Variants in MPZL1 observed in about 807,000 individuals in gnomAD.
MPZL1 encodes the protein myelin protein zero-like protein 1.
MPZL1 carries 16 observed loss-of-function variants against 29.3 expected under a neutral mutation model. That is an observed-to-expected ratio of 0.55 (90% CI 0.37 to 0.83). The LOEUF (loss-of-function observed/expected upper bound fraction) is 0.83, where lower values mean the gene tolerates loss of function less well. Ranked by LOEUF, MPZL1 falls within the 40% of genes least tolerant of loss-of-function variation. The pLI is 0.00. For synonymous variants in MPZL1, 143 were observed against 132.0 expected (o/e 1.08, Z -0.57); for missense variants, 279 against 332.9 (o/e 0.84, Z 1.26).
Position 167,786,659 on chromosome 1 carries a change from G to A in MPZL1, c.709-1161G>A, listed in dbSNP as rs115651901. Among the ~76,000 whole-genome samples, 353 of 152,306 alleles carry A rather than the reference G, an allele frequency of 2.3e-3. 4 individuals carry two copies. The highest frequency in any genetic ancestry group is 7.8e-3 in the African/African-American group (326 of 41,566). ...AACTGGGCCTGTCCCTTCTGTAGAT[G>A]TGGGAGTAGCTGAACTCCACAGAAC... On this transcript the variant is annotated intron_variant, in intron 5 of 5. Coordinates refer to ENST00000359523, the MANE Select transcript of MPZL1 (RefSeq NM_003953.6).
At chr1:167,725,611 G>A (rs1364461046) in intron 1 of MPZL1, among the ~76,000 whole-genome samples, 7 of 151,854 alleles carry the variant, frequency 4.6e-5, no homozygotes, top group African/African-American at 1.7e-4. Context: ...TTAGCCTCCC[G>A]AGTAGCTGGG....
At chr1:167,731,881 G>C (rs985213379) in intron 1 of MPZL1, among the ~76,000 whole-genome samples, 2 of 152,078 alleles carry the variant, frequency 1.3e-5, no homozygotes, top group African/African-American at 4.8e-5. Flanking sequence ...CAAAAAACAA[G>C]TTATAGGTCC....
chr1:167,742,863 T>A (rs912448330), intron 1 of MPZL1, among the ~76,000 whole-genome samples: 1 of 152,142 alleles, frequency 6.6e-6, no homozygotes, highest in African/African-American at 2.4e-5. Context: ...GCTAGCCAAT[T>A]ATCCCAGCAC....
intron 1 of MPZL1, among the ~76,000 whole-genome samples, chr1:167,756,429 A>ATTTTTTTTTTTT (rs11455159): frequency 2.1e-5 from 2 of 94,632 alleles, no homozygotes; most frequent in Admixed American, 1.2e-4. Flanking sequence ...GTCTGGCCAG[A>ATTTTTTTTTTTT]TTTTTTTTTT....
chr1:167,761,580 G>A (rs1439149516), intron 1 of MPZL1, among the ~76,000 whole-genome samples: 1 of 152,206 alleles, frequency 6.6e-6, no homozygotes, highest in Non-Finnish European at 1.5e-5. Context: ...AGCTGGGAGT[G>A]AGAAACCAGA....
intron 5 of MPZL1, among the ~76,000 whole-genome samples, chr1:167,776,417 C>T (rs1216048569): frequency 6.6e-6 from 1 of 152,096 alleles, no homozygotes; most frequent in Admixed American, 6.6e-5. Flanking sequence ...GTTTACTAAC[C>T]ATGTAGCTTC....
Position 167,732,678 on chromosome 1 carries a change from G to A in MPZL1, c.91+10436G>A, listed in dbSNP as rs1382236618. Among the ~76,000 whole-genome samples the A allele has an allele frequency of 1.3e-5, 2 of 152,106 alleles. 1 individual carries two copies. The highest frequency in any genetic ancestry group is 4.8e-5 in the African/African-American group (2 of 41,414). On this transcript the variant is annotated intron_variant, in intron 1 of 5. Transcript: ENST00000359523. ...GTTGCCCAGGTTAGAGTGCAATGGT[G>A]CGACCTCAGCTCATCACAACCTCTG... is the stretch of plus-strand genomic sequence containing the variant.
chr1:167,739,282 CAT>C (rs71959233), intron 1 of MPZL1, among the ~76,000 whole-genome samples: 20,515 of 90,390 alleles, frequency 0.23, 2,312 homozygotes, highest in Admixed American at 0.26. Context: ...TACATATATA[CAT>C]ATATATATAT....
At chr1:167,746,711 G>A (rs1432232314) in intron 1 of MPZL1, among the ~76,000 whole-genome samples, 1 of 152,174 alleles carries the variant, frequency 6.6e-6, no homozygotes, top group Non-Finnish European at 1.5e-5. Flanking sequence ...TCAGAGGGCA[G>A]TATTAATCCA....
chr1:167,765,373 C>T (rs1051974677), intron 1 of MPZL1: 2 of 315,778 alleles, frequency 6.3e-6, no homozygotes, highest in Middle Eastern at 8.6e-4. Flanking sequence ...AACTAAAAAG[C>T]AATACAAACC....
At chr1:167,762,850 T>G (rs1178177917) in intron 1 of MPZL1, among the ~76,000 whole-genome samples, 1 of 152,204 alleles carries the variant, frequency 6.6e-6, no homozygotes, top group Non-Finnish European at 1.5e-5. Flanking sequence ...AAGAGTAGTA[T>G]TAGAGAAAAG....
intron 1 of MPZL1, among the ~76,000 whole-genome samples, chr1:167,751,532 G>A (rs535733429): frequency 6.1e-4 from 93 of 152,016 alleles, no homozygotes; most frequent in Non-Finnish European, 1.1e-3. Flanking sequence ...TTAGCCGGGC[G>A]TGGTGGCTCG....
chr1:167,729,615 A>G (rs1408325708), intron 1 of MPZL1, among the ~76,000 whole-genome samples: 1 of 152,184 alleles, frequency 6.6e-6, no homozygotes, highest in Non-Finnish European at 1.5e-5. Context: ...GTAAAATGCA[A>G]ATATTTGAAA....
chr1:167,782,934 T>G (rs922273961), intron 5 of MPZL1, among the ~76,000 whole-genome samples: 1 of 152,190 alleles, frequency 6.6e-6, no homozygotes, highest in African/African-American at 2.4e-5. Flanking sequence ...TATTGACACC[T>G]TGATCTTAGC....
chr1:167,768,696 G>C (rs143381252), intron 2 of MPZL1, among the ~76,000 whole-genome samples: 1 of 152,324 alleles, frequency 6.6e-6, no homozygotes, highest in East Asian at 1.9e-4. Context: ...AGTTCCTGCT[G>C]TGTCCAAAGT....
chr1:167,789,320 G>A lies in MPZL1; in HGVS notation c.*1399G>A, dbSNP rs909618209. On this transcript the variant is annotated 3_prime_UTR_variant, in exon 6 of 6. Coordinates refer to ENST00000359523, the MANE Select transcript of MPZL1 (RefSeq NM_003953.6). ...AATTTCCCCCCTTTTAAAATTGTTC[G>A]AAAGCCCACAGTTATGGAAAGAATT... is the stretch of plus-strand genomic sequence containing the variant. The A allele has an allele frequency of 2.0e-5, 3 of 151,792 alleles. No individual in the cohort carries two copies. The highest frequency in any genetic ancestry group is 4.8e-5 in the African/African-American group (2 of 41,242). 9.4% of individuals were successfully genotyped at this position (151,792 alleles called of 1,614,324 possible).
chr1:167,746,483 A>G (rs1265274998), intron 1 of MPZL1, among the ~76,000 whole-genome samples: 8 of 152,216 alleles, frequency 5.3e-5, no homozygotes, highest in Non-Finnish European at 1.5e-5. Context: ...ATAACAGAAG[A>G]GTGAAGACAA....
In MPZL1 at chr1:167,722,083, G is replaced by A. The variant is rs1328160201; in HGVS notation, c.-69G>A. The A allele has an allele frequency of 1.1e-5, 13 of 1,230,692 alleles. No homozygotes were observed. Among genetic ancestry groups the A allele is most frequent in the South Asian group, 4.1e-5 (1 of 24,322 alleles). 76.2% of individuals were successfully genotyped at this position (1,230,692 alleles called of 1,614,324 possible). On this transcript the variant is annotated 5_prime_UTR_variant, in exon 1 of 6. Transcript: ENST00000359523. ...AGATCAGAAGCCTCTTCCCCAAGCCGAGCCAACCTCAGCGGGGACCCGGGC... is the reference window on the plus strand; with the variant it reads ...AGATCAGAAGCCTCTTCCCCAAGCCAAGCCAACCTCAGCGGGGACCCGGGC...
At chr1:167,756,091 G>A (rs367908297) in intron 1 of MPZL1, among the ~76,000 whole-genome samples, 3 of 152,222 alleles carry the variant, frequency 2.0e-5, no homozygotes, top group East Asian at 1.9e-4. Flanking sequence ...GCTGGACATC[G>A]ATCATGAGCG....
Sources: gnomAD v4.1 joint callset for allele counts (sites outside exome capture counted in the v4.1 genomes callset) on GRCh38, gnomAD v4.1.1 for gene constraint, MANE v1.5 for transcripts, NCBI Gene and HGNC (gene_info 2026-07-23, HGNC 2026-07-21) for gene names.